Variants in PPP2R2D observed in about 807,000 individuals in gnomAD.
The protein encoded by PPP2R2D is protein phosphatase 2 regulatory subunit Bdelta.
In PPP2R2D, 9 loss-of-function variants were observed where a neutral mutation model predicts 31.1. The observed-to-expected ratio is 0.29, with a 90% confidence interval of 0.17 to 0.51. The LOEUF (loss-of-function observed/expected upper bound fraction) is 0.51, where lower values mean the gene tolerates loss of function less well. PPP2R2D is among the 20% of genes least tolerant of loss of function. The probability of loss-of-function intolerance (pLI) is 0.98; values close to 1 mark genes in which losing one functional copy is unlikely to be tolerated. For synonymous variants in PPP2R2D, 179 were observed against 172.6 expected (o/e 1.04, Z -0.29); for missense variants, 391 against 465.6 (o/e 0.84, Z 1.48).
At chr10:131,901,473 G>A (rs1157007205) in intron 2 of PPP2R2D, 143 bp downstream of exon 2, 1 of 321,314 alleles carries the variant, frequency 3.1e-6, no homozygotes, top group African/African-American at 2.2e-5. Context: ...GGCCGAGCTG[G>A]GGGCCGTGAT....
intron 2 of PPP2R2D, among the ~76,000 whole-genome samples, chr10:131,916,501 A>G (rs2035784079): frequency 6.6e-6 from 1 of 152,146 alleles, no homozygotes; most frequent in Non-Finnish European, 1.5e-5. Context: ...CTTCCTCATT[A>G]CCAACACAAC....
At chr10:131,941,120 G>C (rs1339527208) in intron 5 of PPP2R2D, among the ~76,000 whole-genome samples, 1 of 152,154 alleles carries the variant, frequency 6.6e-6, no homozygotes, top group Non-Finnish European at 1.5e-5. Flanking sequence ...ACGCTTCTCG[G>C]GGAATTTCTT....
intron 2 of PPP2R2D, among the ~76,000 whole-genome samples, chr10:131,930,339 C>T (rs919112752): frequency 2.0e-5 from 3 of 152,232 alleles, no homozygotes; most frequent in African/African-American, 7.2e-5. Context: ...ACTCTGAGGC[C>T]TGCTGGCCGC....
chr10:131,964,337 T>C (rs1177523487), downstream of PPP2R2D, among the ~76,000 whole-genome samples: 4 of 152,218 alleles, frequency 2.6e-5, no homozygotes, highest in Middle Eastern at 3.4e-3. Flanking sequence ...TGTTTTTTTT[T>C]TGTTTTGTTT....
intron 2 of PPP2R2D, among the ~76,000 whole-genome samples, chr10:131,910,955 G>A (rs1275762908): frequency 2.0e-5 from 3 of 152,166 alleles, no homozygotes; most frequent in Non-Finnish European, 4.4e-5. Flanking sequence ...GAGAGGACAC[G>A]GGAGCTCTGT....
chr10:131,945,660 A>G lies in PPP2R2D; in HGVS notation c.820+201A>G. The G allele has an allele frequency of 1.6e-6, 1 of 612,552 alleles. No homozygotes were observed. The highest frequency in any genetic ancestry group is 2.1e-5 in the South Asian group (1 of 48,070). The allele number at this position is 612,552 out of a possible 1,614,324, so 37.9% of individuals were successfully genotyped here. ...TTTTTAGTACAGACAGGGTTTCACC[A>G]TGTTGACCAGACTGGTCTGACCTCA... is the stretch of plus-strand genomic sequence containing the variant. On this transcript the variant is annotated intron_variant, in intron 7 of 8. Transcript: ENST00000455566. This position sits in a 1 kb window ranked among gnomAD's most constrained non-coding sequence, Gnocchi z 4.8.
downstream of PPP2R2D, among the ~76,000 whole-genome samples, chr10:131,959,992 T>C (rs1331172430): frequency 6.6e-6 from 1 of 152,230 alleles, no homozygotes; most frequent in Non-Finnish European, 1.5e-5. Flanking sequence ...CCCGTGGAAC[T>C]GCCACTGCCT....
intron 8 of PPP2R2D, among the ~76,000 whole-genome samples, chr10:131,950,269 T>G (rs2036613001): frequency 6.6e-6 from 1 of 152,048 alleles, no homozygotes; most frequent in Non-Finnish European, 1.5e-5. Context: ...GGTGTGAGGC[T>G]TAAAGTGACA....
At chr10:131,913,929 G>A (rs2035727177) in intron 2 of PPP2R2D, among the ~76,000 whole-genome samples, 1 of 152,212 alleles carries the variant, frequency 6.6e-6, no homozygotes. Context: ...AACTAAAATA[G>A]GAATGCAGCC....
intron 2 of PPP2R2D, among the ~76,000 whole-genome samples, chr10:131,903,421 C>T (rs1011458217): frequency 7.3e-5 from 10 of 137,104 alleles, no homozygotes; most frequent in African/African-American, 2.2e-4. Flanking sequence ...GAGTGGAGAT[C>T]GTGCCATTGC....
At chr10:131,921,360 A>G (rs1403951583) in intron 2 of PPP2R2D, among the ~76,000 whole-genome samples, 1 of 152,180 alleles carries the variant, frequency 6.6e-6, no homozygotes, top group Non-Finnish European at 1.5e-5. Flanking sequence ...CCACGCACCC[A>G]GGGTCCTAAG....
chr10:131,929,779 C>T (rs1346525850), intron 2 of PPP2R2D, among the ~76,000 whole-genome samples: 2 of 152,176 alleles, frequency 1.3e-5, no homozygotes, highest in Non-Finnish European at 2.9e-5. Context: ...TTACAGATCC[C>T]ACTGACTCCG....
Position 131,956,277 on chromosome 10 carries a change from A to C in PPP2R2D, c.*314A>C. 1 of 1,054,468 alleles carries C rather than the reference A, an allele frequency of 9.5e-7. No homozygotes were observed. The highest frequency in any genetic ancestry group is 1.1e-6 in the Non-Finnish European group (1 of 875,516). The allele number at this position is 1,054,468 out of a possible 1,614,324, so 65.3% of individuals were successfully genotyped here. ...TTCCTTTCCAATTTATAGACCAAAA[A>C]ATTAACATCCAAGAGAAAAGTTATT... On this transcript the variant is annotated 3_prime_UTR_variant, in exon 9 of 9. Coordinates refer to ENST00000455566, the MANE Select transcript of PPP2R2D (RefSeq NM_018461.5).
At chr10:131,904,987 C>T (rs926096840) in intron 2 of PPP2R2D, among the ~76,000 whole-genome samples, 3 of 148,730 alleles carry the variant, frequency 2.0e-5, no homozygotes, top group Non-Finnish European at 3.0e-5. Context: ...CCCCACCCCC[C>T]TTTTTTTTTT....
Position 131,940,555 on chromosome 10 carries a change from T to TA in PPP2R2D, c.365-26dup, listed in dbSNP as rs1261321675. On this transcript the variant is annotated intron_variant, in intron 4 of 8. Coordinates refer to ENST00000455566, the MANE Select transcript of PPP2R2D (RefSeq NM_018461.5). ...ATGCATGTTATAGTTTTTCTTTTCA[T>TA]ATGGAGAATGAGGTTTTTATTTTCA... 6.9e-6 allele frequency: 5 copies of TA among 722,564 alleles called. No individual in the cohort carries two copies. In the African/African-American group the frequency reaches 8.8e-5, roughly 13 times the overall value. 44.8% of individuals were successfully genotyped at this position (722,564 alleles called of 1,614,324 possible). A position where few individuals can be genotyped will look rare whatever the true frequency, so the allele number is the denominator to read the frequency against.
At chr10:131,905,078 C>T (rs2035561584) in intron 2 of PPP2R2D, among the ~76,000 whole-genome samples, 1 of 151,960 alleles carries the variant, frequency 6.6e-6, no homozygotes, top group Non-Finnish European at 1.5e-5. Context: ...TCCCATCCCC[C>T]TGCAGGTAGG....
intron 2 of PPP2R2D, among the ~76,000 whole-genome samples, chr10:131,925,185 T>C (rs1175566881): frequency 1.3e-5 from 2 of 152,232 alleles, no homozygotes; most frequent in African/African-American, 2.4e-5. Flanking sequence ...TCCAGTAGAA[T>C]GTTTACTAGA....
intron 8 of PPP2R2D, among the ~76,000 whole-genome samples, chr10:131,951,390 G>A (rs1159644378): frequency 2.0e-5 from 3 of 152,264 alleles, no homozygotes; most frequent in African/African-American, 7.2e-5. Context: ...GAAAAGCAGT[G>A]AGAATCAATT....
chr10:131,965,213 A>C, the PPP2R2D span, among the ~76,000 whole-genome samples: 1 of 152,074 alleles, frequency 6.6e-6, no homozygotes, highest in African/African-American at 2.4e-5. Context: ...TAGCTGCTGG[A>C]TCCTATCTGA....
Sources: allele counts gnomAD v4.1 joint callset (sites outside exome capture counted in the v4.1 genomes callset), GRCh38; gene constraint gnomAD v4.1.1; non-coding constraint Gnocchi (gnomAD v3.1); transcripts MANE v1.5; gene names NCBI Gene and HGNC (gene_info 2026-07-23, HGNC 2026-07-21).